Variants in TRIM71 observed in about 807,000 individuals in gnomAD.
TRIM71 encodes the protein tripartite motif containing 71, also known as E3 ubiquitin-protein ligase TRIM71.
TRIM71 carries 9 observed loss-of-function variants against 61.2 expected under a neutral mutation model. The observed-to-expected ratio is 0.15, with a 90% CI of 0.09 to 0.26. The LOEUF is 0.26. Ranked by LOEUF, TRIM71 falls within the 10% of genes least tolerant of loss-of-function variation. TRIM71 has a pLI of 1.00. For synonymous variants in TRIM71, 645 were observed against 553.2 expected (o/e 1.17, Z -2.33); for missense variants, 998 against 1,238.7 (o/e 0.81, Z 2.92).
chr3:32,891,889 T>C lies in TRIM71; in HGVS notation c.*78T>C. 2 of 1,518,916 alleles carry C rather than the reference T, an allele frequency of 1.3e-6. No homozygotes were observed. Among genetic ancestry groups the C allele is most frequent in the African/African-American group, 1.4e-5 (1 of 70,878 alleles). 94.1% of individuals were successfully genotyped at this position (1,518,916 alleles called of 1,614,324 possible). A position where few individuals can be genotyped will look rare whatever the true frequency, so the allele number is the denominator to read the frequency against. On this transcript the variant is annotated 3_prime_UTR_variant, in exon 4 of 4. Coordinates refer to ENST00000383763, the MANE Select transcript of TRIM71 (RefSeq NM_001039111.3). The surrounding 1 kb of genome is among the most constrained non-coding windows in gnomAD (Gnocchi z 8.2). ...CTCTCTCTCTTTCTCTTTCTCTCTC[T>C]TTTTGAATTTCAAAGAAGAAACAGT...
Position 32,893,203 on chromosome 3 carries a change from C to G in TRIM71, c.*1392C>G, listed in dbSNP as rs925862997. On this transcript the variant is annotated 3_prime_UTR_variant, in exon 4 of 4. Transcript: ENST00000383763. ...ATGAATCCCCCCGCCCCCTCTCCCC[C>G]CAAGGCCTTTGACCATAAAGGATCT... The G allele has an allele frequency of 1.2e-4, 18 of 151,786 alleles. No individual in the cohort carries two copies. Among genetic ancestry groups the G allele is most frequent in the Non-Finnish European group, 2.4e-4 (16 of 68,008 alleles). The allele number at this position is 151,786 out of a possible 1,614,324, so 9.4% of individuals were successfully genotyped here. A position where few individuals can be genotyped will look rare whatever the true frequency, so the allele number is the denominator to read the frequency against.
intron 1 of TRIM71, among the ~76,000 whole-genome samples, chr3:32,868,924 G>A (rs1264627248): frequency 2.0e-5 from 3 of 152,154 alleles, no homozygotes; most frequent in Non-Finnish European, 4.4e-5. Context: ...GCAGCACGTG[G>A]CCAGGGCTAC....
chr3:32,892,012 A>G lies in TRIM71; in HGVS notation c.*201A>G. Reference sequence around the variant, plus strand: ...CTCATCTTTATTTTTTTACAGATGAATGTACTTATCTTTTCTGCAGGGATT... The same window carrying G: ...CTCATCTTTATTTTTTTACAGATGAGTGTACTTATCTTTTCTGCAGGGATT... On this transcript the variant is annotated 3_prime_UTR_variant, in exon 4 of 4. Transcript: ENST00000383763. The G allele has an allele frequency of 1.4e-6, 1 of 690,000 alleles. No individual in the cohort carries two copies. The allele number at this position is 690,000 out of a possible 1,614,324, so 42.7% of individuals were successfully genotyped here.
intron 1 of TRIM71, among the ~76,000 whole-genome samples, chr3:32,851,627 C>T (rs999559595): frequency 7.9e-5 from 12 of 151,986 alleles, no homozygotes; most frequent in African/African-American, 2.7e-4. Context: ...TACAAGTGCC[C>T]GCCACTACGC....
chr3:32,818,788 C>T lies in TRIM71; in HGVS notation c.708C>T (p.His236=), dbSNP rs1160511742. 2.5e-6 allele frequency: 4 copies of T among 1,608,494 alleles called. No homozygotes were observed. The highest frequency in any genetic ancestry group is 2.2e-5 in the East Asian group (1 of 44,744). The change falls in exon 1 of 4, where the codon CAC becomes CAT. Residue 236 remains histidine (H), a synonymous_variant. Transcript: ENST00000383763. ...AGCGCGTGCGCCTCACCAAGGACCA[C>T]TACATCGAGCGCGGCCCGCCGGGTC... The part of the protein sequence containing the change: ...AHQRVRLTKD[H]YIERGPPGPG...
At chr3:32,874,091 A>G (rs897132681) in intron 2 of TRIM71, 106 bp downstream of exon 2, 3 of 1,239,114 alleles carry the variant, frequency 2.4e-6, no homozygotes, top group Admixed American at 2.3e-5. Context: ...GGGGTGGAAT[A>G]GTGACCCAAA....
At chr3:32,841,780 C>T (rs1176405299) in intron 1 of TRIM71, among the ~76,000 whole-genome samples, 1 of 152,078 alleles carries the variant, frequency 6.6e-6, no homozygotes, top group Non-Finnish European at 1.5e-5. Context: ...CTAACTTGGA[C>T]CCCCAGGACT....
intron 1 of TRIM71, among the ~76,000 whole-genome samples, chr3:32,828,650 G>A (rs557525745): frequency 3.3e-5 from 5 of 151,684 alleles, no homozygotes; most frequent in South Asian, 2.1e-4. Flanking sequence ...TGCATGCCAC[G>A]ATGCCCGGCT....
In TRIM71 at chr3:32,826,582, C is replaced by CTTTTTTTTTT. The variant is rs71068090; in HGVS notation, c.852+7663_852+7672dup. ...AACTTTAATTCCCATCAGGTGAGTT[C>CTTTTTTTTTT]TTTTTTTTTTTTTTTTTTTTTTGAG... On this transcript the variant is annotated intron_variant, in intron 1 of 3. Transcript: ENST00000383763. Among the ~76,000 whole-genome samples, 223 of 83,084 alleles carry CTTTTTTTTTT rather than the reference C, an allele frequency of 2.7e-3. 37 individuals carry two copies. Among genetic ancestry groups the CTTTTTTTTTT allele is most frequent in the African/African-American group, 5.2e-3 (101 of 19,380 alleles). 54.5% of individuals were successfully genotyped at this position (83,084 alleles called of 152,430 possible). A position where few individuals can be genotyped will look rare whatever the true frequency, so the allele number is the denominator to read the frequency against.
intron 1 of TRIM71, among the ~76,000 whole-genome samples, chr3:32,863,820 C>T (rs569139574): frequency 8.6e-5 from 13 of 151,834 alleles, no homozygotes; most frequent in Non-Finnish European, 1.6e-4. Flanking sequence ...TAGCTGGAAC[C>T]ACAGGTGCCC....
intron 1 of TRIM71, among the ~76,000 whole-genome samples, chr3:32,826,314 C>T (rs779182307): frequency 3.3e-5 from 5 of 152,018 alleles, no homozygotes; most frequent in Admixed American, 6.6e-5. Flanking sequence ...AAAAATTAGC[C>T]GGACGAATCC....
At chr3:32,866,880 G>T (rs938760293) in intron 1 of TRIM71, among the ~76,000 whole-genome samples, 2 of 152,124 alleles carry the variant, frequency 1.3e-5, no homozygotes, top group African/African-American at 4.8e-5. Context: ...TGGTAGTGAA[G>T]AATTTTTAAA....
intron 1 of TRIM71, among the ~76,000 whole-genome samples, chr3:32,828,656 C>T (rs987562602): frequency 3.0e-4 from 45 of 151,594 alleles, no homozygotes; most frequent in African/African-American, 9.5e-4. Context: ...CCACGATGCC[C>T]GGCTAATTAA....
Position 32,818,434 on chromosome 3 carries a change from CCTG to C in TRIM71, c.357_359del (p.Leu120del). The stretch of plus-strand genomic sequence containing the variant: ...CTTCGTCCGCCTTCCTGCTTAGCAA[CCTG>C]CTCGACGCGGTGGTGGCCACTGCCG... On this transcript the variant is annotated inframe_deletion, in exon 1 of 4. Coordinates refer to ENST00000383763, the MANE Select transcript of TRIM71 (RefSeq NM_001039111.3). 1 of 1,474,704 alleles carries C rather than the reference CCTG, an allele frequency of 6.8e-7. No individual in the cohort carries two copies. The highest frequency in any genetic ancestry group is 8.9e-7 in the Non-Finnish European group (1 of 1,117,574). The allele number at this position is 1,474,704 out of a possible 1,614,324, so 91.4% of individuals were successfully genotyped here.
chr3:32,822,704 AT>A (rs996580511), intron 1 of TRIM71, among the ~76,000 whole-genome samples: 1 of 152,164 alleles, frequency 6.6e-6, no homozygotes, highest in African/African-American at 2.4e-5. Context: ...ATACCAAAAT[AT>A]TTTTAAAAGC....
chr3:32,843,318 T>TC (rs895696009), intron 1 of TRIM71, among the ~76,000 whole-genome samples: 1 of 151,906 alleles, frequency 6.6e-6, no homozygotes, highest in Admixed American at 6.6e-5. Flanking sequence ...CTCAGGACAC[T>TC]CCCCCCAACT....
chr3:32,868,153 A>T (rs1287499626), intron 1 of TRIM71, among the ~76,000 whole-genome samples: 1 of 152,036 alleles, frequency 6.6e-6, no homozygotes, highest in African/African-American at 2.4e-5. Flanking sequence ...CTTAACTCCA[A>T]TTCCAACTGT....
chr3:32,818,035 C>T lies in TRIM71; in HGVS notation c.-46C>T. 1 of 1,579,792 alleles carries T rather than the reference C, an allele frequency of 6.3e-7. No individual in the cohort carries two copies. The highest frequency in any genetic ancestry group is 8.7e-7 in the Non-Finnish European group (1 of 1,153,524). ...CCTCGTCCGCTCTCTCCTCCTCCTC[C>T]TCCTCTTCCTCTCTGGTCTCCTCCC... is the stretch of plus-strand genomic sequence containing the variant. On this transcript the variant is annotated 5_prime_UTR_variant, in exon 1 of 4. Transcript: ENST00000383763.
chr3:32,871,345 A>T (rs142649345), intron 1 of TRIM71, among the ~76,000 whole-genome samples: 1,668 of 152,324 alleles, frequency 0.011, 88 homozygotes, highest in Admixed American at 0.088. Flanking sequence ...CATTCAGTCC[A>T]CACAGCTGTC....
Sources: allele counts gnomAD v4.1 joint callset (sites outside exome capture counted in the v4.1 genomes callset), GRCh38; gene constraint gnomAD v4.1.1; non-coding constraint Gnocchi (gnomAD v3.1); transcripts MANE v1.5; gene names NCBI Gene and HGNC (gene_info 2026-07-23, HGNC 2026-07-21).